LRRC28: variants seen among roughly 807,000 people sequenced by gnomAD.
The protein encoded by LRRC28 is leucine-rich repeat-containing protein 28.
A neutral mutation model predicts 45.7 loss-of-function variants in LRRC28; 39 were observed. The ratio of observed to expected loss-of-function variants is 0.85; its 90% CI spans 0.66 to 1.12. The LOEUF (loss-of-function observed/expected upper bound fraction) is 1.12, where lower values mean the gene tolerates loss of function less well. Among genes scored for constraint, LRRC28 ranks in the 50% most tolerant of loss-of-function variants. The pLI, the probability that LRRC28 is intolerant of heterozygous loss-of-function variation, is 0.00. For synonymous variants in LRRC28, 206 were observed against 178.8 expected (o/e 1.15, Z -1.22); for missense variants, 435 against 438.5 (o/e 0.99, Z 0.07).
chr15:99,386,695 C>T lies in LRRC28; in HGVS notation c.*593C>T, dbSNP rs1410988031. On this transcript the variant is annotated 3_prime_UTR_variant, in exon 10 of 10. Transcript: ENST00000301981. Reference sequence around the variant, plus strand: ...GCACACACCCTCTGGAAAGTTCCAGCCTTGTTTATACGTTCTACAGTGTAG... The same window carrying T: ...GCACACACCCTCTGGAAAGTTCCAGTCTTGTTTATACGTTCTACAGTGTAG... 1 of 152,210 alleles carries T rather than the reference C, an allele frequency of 6.6e-6. No individual in the cohort carries two copies. Among genetic ancestry groups the T allele is most frequent in the Non-Finnish European group, 1.5e-5 (1 of 68,108 alleles). 9.4% of individuals were successfully genotyped at this position (152,210 alleles called of 1,614,324 possible).
At position 99,387,211 on chromosome 15, in the gene LRRC28, C is replaced by T. The variant is rs539857012; in HGVS notation, c.*1109C>T. 18 of 145,972 alleles carry T rather than the reference C, an allele frequency of 1.2e-4. No individual in the cohort carries two copies. Among genetic ancestry groups the T allele is most frequent in the South Asian group, 2.3e-4 (1 of 4,276 alleles). The allele number at this position is 145,972 out of a possible 1,614,324, so 9.0% of individuals were successfully genotyped here. On this transcript the variant is annotated 3_prime_UTR_variant, in exon 10 of 10. Coordinates refer to ENST00000301981, the MANE Select transcript of LRRC28 (RefSeq NM_144598.5). ...AAGTAGCTGGGACCACAGGCGCCCG[C>T]CACCACGCCCGGCTAATTTTTTGTA...
At chr15:99,345,467 G>A (rs1423474991) in intron 6 of LRRC28, among the ~76,000 whole-genome samples, 1 of 152,034 alleles carries the variant, frequency 6.6e-6, no homozygotes. Context: ...TTTCATATAT[G>A]TTCTTTGGAA....
At chr15:99,339,773 AT>A (rs1178102378) in intron 6 of LRRC28, among the ~76,000 whole-genome samples, 1 of 152,098 alleles carries the variant, frequency 6.6e-6, no homozygotes, top group African/African-American at 2.4e-5. Flanking sequence ...GGACATTGAG[AT>A]TTACAGAATA....
chr15:99,307,229 G>A (rs889394751), intron 5 of LRRC28, among the ~76,000 whole-genome samples: 1 of 152,176 alleles, frequency 6.6e-6, no homozygotes, highest in Admixed American at 6.5e-5. Context: ...TAGGGAGAAC[G>A]ATACAGGGTG....
chr15:99,389,275 T>G lies in LRRC28; in HGVS notation c.*3173T>G, dbSNP rs946330578. On this transcript the variant is annotated 3_prime_UTR_variant, in exon 10 of 10. Coordinates refer to ENST00000301981, the MANE Select transcript of LRRC28 (RefSeq NM_144598.5). ...CTGTTTTACGTTGAGCATTACGAATTAAAATCTTTACAGTCTAGGGGGAAA... is the reference window on the plus strand; with the variant it reads ...CTGTTTTACGTTGAGCATTACGAATGAAAATCTTTACAGTCTAGGGGGAAA... The G allele has an allele frequency of 1.2e-4, 19 of 152,204 alleles. No individual in the cohort carries two copies. Among genetic ancestry groups the G allele is most frequent in the Non-Finnish European group, 2.2e-4 (15 of 68,032 alleles). The allele number at this position is 152,204 out of a possible 1,614,324, so 9.4% of individuals were successfully genotyped here. A position where few individuals can be genotyped will look rare whatever the true frequency, so the allele number is the denominator to read the frequency against.
intron 8 of LRRC28, among the ~76,000 whole-genome samples, chr15:99,362,754 A>G (rs1205503566): frequency 6.6e-6 from 1 of 152,148 alleles, no homozygotes; most frequent in Non-Finnish European, 1.5e-5. Context: ...CAGTTCCAAA[A>G]ATTCTCTGAC....
chr15:99,376,900 T>G, intron 9 of LRRC28, among the ~76,000 whole-genome samples: 1 of 152,228 alleles, frequency 6.6e-6, no homozygotes, highest in East Asian at 1.9e-4. Context: ...CTGCAGAGTA[T>G]TCCATGGTGT....
chr15:99,287,275 C>G lies in LRRC28; in HGVS notation c.228C>G (p.Asn76Lys). Residue 76 changes from asparagine to lysine, a missense_variant, in exon 4 of 10, where the codon AAC (asparagine) becomes AAG (lysine). Transcript: ENST00000301981. ...NLVELYLHSNNIVVVPEAIGS... is the reference protein window; with the variant it reads ...NLVELYLHSNKIVVVPEAIGS... ...TTCCTAGATACCTGCACTCAAATAACATAGTTGTGGTTCCGGAAGGTATGT... is the reference window on the plus strand; with the variant it reads ...TTCCTAGATACCTGCACTCAAATAAGATAGTTGTGGTTCCGGAAGGTATGT... The G allele has an allele frequency of 6.4e-7, 1 of 1,568,094 alleles. No individual in the cohort carries two copies. Among genetic ancestry groups the G allele is most frequent in the Non-Finnish European group, 8.6e-7 (1 of 1,160,302 alleles).
rs2081949070 is a variant in LRRC28 at position 99,286,022 on chromosome 15, T to A, written c.210-1235T>A. On this transcript the variant is annotated intron_variant, in intron 3 of 9. Transcript: ENST00000301981. ...AATCTTCATAAAATTATCAATTTTCTGTCTTATTTTGTGTTTATTGACATT... is the reference window on the plus strand; with the variant it reads ...AATCTTCATAAAATTATCAATTTTCAGTCTTATTTTGTGTTTATTGACATT... Among the ~76,000 whole-genome samples, 3 of 152,270 alleles carry A rather than the reference T, an allele frequency of 2.0e-5. No individual in the cohort carries two copies. The South Asian group carries it at 6.2e-4, about 32-fold the overall frequency.
intron 2 of LRRC28, among the ~76,000 whole-genome samples, chr15:99,275,685 G>A (rs1047640504): frequency 1.3e-5 from 2 of 152,220 alleles, no homozygotes; most frequent in African/African-American, 4.8e-5. Flanking sequence ...GGGAGCACAT[G>A]CTCCTTGAGT....
chr15:99,375,614 C>CT (rs1376974231), intron 9 of LRRC28, among the ~76,000 whole-genome samples: 4 of 152,004 alleles, frequency 2.6e-5, no homozygotes, highest in African/African-American at 7.2e-5. Flanking sequence ...AGTTTGTATT[C>CT]TTTTTTAAAT....
At chr15:99,290,768 C>A (rs1269014676) in intron 5 of LRRC28, among the ~76,000 whole-genome samples, 3 of 151,674 alleles carry the variant, frequency 2.0e-5, no homozygotes, top group African/African-American at 4.8e-5. Context: ...CCAGCCAGGG[C>A]AACATAGTGA....
At chr15:99,357,263 TAA>T (rs555376862) in intron 7 of LRRC28, among the ~76,000 whole-genome samples, 140 of 152,320 alleles carry the variant, frequency 9.2e-4, no homozygotes, top group African/African-American at 3.2e-3. Flanking sequence ...CTCCTCACTA[TAA>T]TAGGCCCAGC....
intron 9 of LRRC28, among the ~76,000 whole-genome samples, chr15:99,385,096 A>C (rs1461385531): frequency 6.6e-6 from 1 of 152,200 alleles, no homozygotes; most frequent in Non-Finnish European, 1.5e-5. Context: ...CAGAGGTAGC[A>C]AAGGGGGCCT....
chr15:99,319,423 C>A (rs1955714727), intron 5 of LRRC28, among the ~76,000 whole-genome samples: 1 of 152,164 alleles, frequency 6.6e-6, no homozygotes, highest in African/African-American at 2.4e-5. Flanking sequence ...AAGATGCTAA[C>A]TTTTAGAATA....
chr15:99,281,364 G>C (rs2081785257), intron 3 of LRRC28, among the ~76,000 whole-genome samples: 1 of 152,054 alleles, frequency 6.6e-6, no homozygotes, highest in Non-Finnish European at 1.5e-5. Flanking sequence ...TGATCCTCCT[G>C]CCTCAGCCTC....
chr15:99,321,471 T>G (rs941600379), intron 5 of LRRC28, among the ~76,000 whole-genome samples: 2 of 152,232 alleles, frequency 1.3e-5, no homozygotes, highest in Non-Finnish European at 2.9e-5. Flanking sequence ...TAATGTCTTA[T>G]AGAATACTCC....
chr15:99,287,382 T>C (rs2081987497), intron 4 of LRRC28, 88 bp downstream of exon 4: 14 of 995,094 alleles, frequency 1.4e-5, no homozygotes, highest in African/African-American at 3.4e-5. Context: ...TTAAGACACC[T>C]TTAATTTTTT....
At chr15:99,346,073 C>T (rs1226272283) in intron 6 of LRRC28, among the ~76,000 whole-genome samples, 1 of 152,162 alleles carries the variant, frequency 6.6e-6, no homozygotes, top group Non-Finnish European at 1.5e-5. Flanking sequence ...CCTTGAAGTA[C>T]TGGGCTCAAG....
Sources: gnomAD v4.1 joint callset for allele counts (sites outside exome capture counted in the v4.1 genomes callset) on GRCh38, gnomAD v4.1.1 for gene constraint, MANE v1.5 for transcripts, NCBI Gene and HGNC (gene_info 2026-07-23, HGNC 2026-07-21) for gene names.